TRAF3: variants seen among roughly 807,000 people sequenced by gnomAD.
The protein encoded by TRAF3 is TNF receptor associated factor 3.
A neutral mutation model predicts 62.3 loss-of-function variants in TRAF3; 13 were observed. The observed-to-expected ratio is 0.21, with a 90% confidence interval of 0.14 to 0.33. The LOEUF (loss-of-function observed/expected upper bound fraction) is 0.33. Ranked by LOEUF, TRAF3 falls within the 10% of genes least tolerant of loss-of-function variation. TRAF3 has a pLI of 1.00. For missense variants in TRAF3, 440 were observed against 741.8 expected (o/e 0.59, Z 4.73); for synonymous variants, 269 against 283.4 (o/e 0.95, Z 0.51).
intron 1 of TRAF3, among the ~76,000 whole-genome samples, chr14:102,807,928 T>TC (rs1363638818): frequency 6.6e-6 from 1 of 152,150 alleles, no homozygotes; most frequent in Non-Finnish European, 1.5e-5. Context: ...GCATAATTAC[T>TC]CCAACATGCA....
chr14:102,804,065 C>T (rs905299062), intron 1 of TRAF3, among the ~76,000 whole-genome samples: 7 of 151,900 alleles, frequency 4.6e-5, no homozygotes, highest in Non-Finnish European at 1.0e-4. Context: ...ACTCAGGAGG[C>T]GGGGCGAGAG....
At chr14:102,895,383 C>G (rs975101990) in intron 9 of TRAF3, among the ~76,000 whole-genome samples, 2 of 152,218 alleles carry the variant, frequency 1.3e-5, no homozygotes, top group African/African-American at 4.8e-5. Context: ...TGTCTCTTGA[C>G]TTGGCCAACT....
intron 9 of TRAF3, chr14:102,895,118 GATGGAAATGAATGA>G (rs765068805): frequency 2.2e-6 from 1 of 455,908 alleles, no homozygotes; most frequent in South Asian, 1.6e-5. Context: ...GTCTTTGACA[GATGGAAATGAATGA>G]ATTGTTACTT....
chr14:102,784,956 A>G (rs1328304011), intron 1 of TRAF3, among the ~76,000 whole-genome samples: 1 of 152,268 alleles, frequency 6.6e-6, no homozygotes, highest in Non-Finnish European at 1.5e-5. Context: ...GCACCCGGCC[A>G]CTTCTGGGTG....
At chr14:102,838,363 A>G (rs934903819) in intron 2 of TRAF3, among the ~76,000 whole-genome samples, 1 of 152,170 alleles carries the variant, frequency 6.6e-6, no homozygotes, top group African/African-American at 2.4e-5. Context: ...AAGTGTTGTG[A>G]TGGGTGTCCT....
intron 1 of TRAF3, among the ~76,000 whole-genome samples, chr14:102,798,903 C>T (rs116304227): frequency 2.1e-4 from 32 of 152,202 alleles, no homozygotes; most frequent in African/African-American, 5.5e-4. Context: ...CAGTCTGGAA[C>T]GTGACACTTT....
At position 102,826,163 on chromosome 14, in the gene TRAF3, A is replaced by T. The variant is rs1900298301; in HGVS notation, c.-156-4171A>T. ...CTGTTTTGGGTATCTACAAAAGCAG[A>T]AGGGGAGGTTAGGATGTGGCTGGAG... On this transcript the variant is annotated intron_variant, in intron 1 of 11. Transcript: ENST00000392745. This position sits in a 1 kb window ranked among gnomAD's most constrained non-coding sequence, Gnocchi z 4.6. Among the ~76,000 whole-genome samples, 1 of 152,110 alleles carries T rather than the reference A, an allele frequency of 6.6e-6. No homozygotes were observed.
At position 102,876,521 on chromosome 14, in the gene TRAF3, T is replaced by G; in HGVS notation, c.566T>G (p.Leu189Arg). ...HCKSQVPMIA[L>R]QKHEDTDCPC... ...AAGAGTCAGGTTCCGATGATCGCGC[T>G]GCAGGTGCGGGTCCTCCCATTCCAC... The change falls in exon 6 of 12, where the codon CTG becomes CGG. Residue 189 changes from leucine (L) to arginine (R), a missense_variant. Leu to Arg is a moderately radical substitution (Grantham distance 102, BLOSUM62 -2). Transcript: ENST00000392745. The G allele has an allele frequency of 6.2e-7, 1 of 1,613,470 alleles. No homozygotes were observed. Among genetic ancestry groups the G allele is most frequent in the Non-Finnish European group, 8.5e-7 (1 of 1,179,850 alleles).
rs774113128 is a variant in TRAF3, at chr14:102,876,391, C to A, written c.436C>A (p.Leu146Ile). Residue 146 changes from leucine (L) to isoleucine (I), a missense_variant, in exon 6 of 12, where the codon CTT becomes ATT. Leu to Ile is a conservative substitution (Grantham distance 5). Around this residue, in one of 6 missense-constraint regions of TRAF3, gnomAD observed 255 missense variants for 424.1 expected, o/e 0.60. Transcript: ENST00000392745. ...HLKNDCHFEE[L>I]PCVRPDCKEK... Reference sequence around the variant, plus strand: ...AAAAAATGATTGCCATTTTGAAGAACTTCCATGTGTGCGTCCTGACTGCAA... The same window carrying A: ...AAAAAATGATTGCCATTTTGAAGAAATTCCATGTGTGCGTCCTGACTGCAA... 6.2e-7 allele frequency: 1 copy of A among 1,614,208 alleles called. No homozygotes were observed. The highest frequency in any genetic ancestry group is 8.5e-7 in the Non-Finnish European group (1 of 1,180,030).
At chr14:102,886,922 A>G (rs1416072770) in intron 7 of TRAF3, among the ~76,000 whole-genome samples, 1 of 152,188 alleles carries the variant, frequency 6.6e-6, no homozygotes, top group Non-Finnish European at 1.5e-5. Flanking sequence ...TATCTCAAGA[A>G]CATGAATTAA....
intron 7 of TRAF3, among the ~76,000 whole-genome samples, chr14:102,887,042 G>A (rs1335527407): frequency 6.6e-6 from 1 of 152,322 alleles, no homozygotes; most frequent in African/African-American, 2.4e-5. Context: ...AAGGTTGCAC[G>A]TCTCACATTG....
chr14:102,851,378 G>A (rs923533178), intron 2 of TRAF3, among the ~76,000 whole-genome samples: 1 of 152,238 alleles, frequency 6.6e-6, no homozygotes, highest in Non-Finnish European at 1.5e-5. Flanking sequence ...ATAGGTCTGT[G>A]TGTGGAAGAC....
chr14:102,786,949 G>C (rs938770232), intron 1 of TRAF3, among the ~76,000 whole-genome samples: 1 of 152,200 alleles, frequency 6.6e-6, no homozygotes, highest in Non-Finnish European at 1.5e-5. Flanking sequence ...AGGTGTTACT[G>C]TGTCACCATA....
At position 102,903,551 on chromosome 14, in the gene TRAF3, T is replaced by A; in HGVS notation, c.1135+122T>A. The A allele has an allele frequency of 7.3e-7, 1 of 1,369,904 alleles. No homozygotes were observed. Among genetic ancestry groups the A allele is most frequent in the Non-Finnish European group, 1.0e-6 (1 of 986,058 alleles). 84.9% of individuals were successfully genotyped at this position (1,369,904 alleles called of 1,614,324 possible). ...GTGCCTTAGGACAGTTTTTTCTAATTATGGGTAACACGCAGAGGTGTGATG... is the reference window on the plus strand; with the variant it reads ...GTGCCTTAGGACAGTTTTTTCTAATAATGGGTAACACGCAGAGGTGTGATG... On this transcript the variant is annotated intron_variant, in intron 11 of 11. Coordinates refer to ENST00000392745, the MANE Select transcript of TRAF3 (RefSeq NM_145725.3). This position sits in a 1 kb window ranked among gnomAD's most constrained non-coding sequence, Gnocchi z 6.4.
At chr14:102,876,747 A>C in intron 6 of TRAF3, 1 of 578,880 alleles carries the variant, frequency 1.7e-6, no homozygotes, top group Non-Finnish European at 3.0e-6. Flanking sequence ...CAACTCATAG[A>C]TAATCCGTTC....
At chr14:102,861,535 C>T (rs1887678198) in intron 2 of TRAF3, among the ~76,000 whole-genome samples, 1 of 152,152 alleles carries the variant, frequency 6.6e-6, no homozygotes, top group Admixed American at 6.5e-5. Context: ...GTAACTGCAT[C>T]CCACTTACCC....
chr14:102,900,979 G>C (rs1464426770), intron 10 of TRAF3, among the ~76,000 whole-genome samples: 1 of 152,322 alleles, frequency 6.6e-6, no homozygotes, highest in Non-Finnish European at 1.5e-5. Flanking sequence ...CGTTTGCTGC[G>C]TTTTAGAGAA....
rs1156338341 is a variant in TRAF3 at position 102,907,166 on chromosome 14, G to A, written c.*1382G>A. ...AGTACGGCCTGGTCCCACCCTGAGG[G>A]AGGCAGGTGTGGAACAGAAGCCGAG... On this transcript the variant is annotated 3_prime_UTR_variant, in exon 12 of 12. Transcript: ENST00000392745. 6.6e-6 allele frequency: 1 copy of A among 152,274 alleles called. No homozygotes were observed. The highest frequency in any genetic ancestry group is 2.4e-5 in the African/African-American group (1 of 41,468). The allele number at this position is 152,274 out of a possible 1,614,324, so 9.4% of individuals were successfully genotyped here.
chr14:102,897,983 G>A (rs1165522883), intron 10 of TRAF3, among the ~76,000 whole-genome samples: 1 of 152,262 alleles, frequency 6.6e-6, no homozygotes, highest in Non-Finnish European at 1.5e-5. Context: ...TGGGGTGCTT[G>A]TTAATAGATG....
Sources: allele counts gnomAD v4.1 joint callset (sites outside exome capture counted in the v4.1 genomes callset), GRCh38; gene constraint gnomAD v4.1.1; regional missense constraint gnomAD v4.1.1; non-coding constraint Gnocchi (gnomAD v3.1); transcripts MANE v1.5; gene names NCBI Gene and HGNC (gene_info 2026-07-23, HGNC 2026-07-21).